The following HEATR5A variants were observed in gnomAD, a reference collection of about 807,000 sequenced individuals.
The protein encoded by HEATR5A is HEAT repeat containing 5A.
A neutral mutation model predicts 218.8 loss-of-function variants in HEATR5A; 178 were observed. The observed-to-expected ratio is 0.81, with a 90% CI of 0.72 to 0.92. The LOEUF is 0.92. Among genes scored for constraint, HEATR5A ranks in the 40% least tolerant of loss-of-function variants. The pLI is 0.00. For synonymous variants in HEATR5A, 864 were observed against 871.6 expected, an observed-to-expected ratio of 0.99 and a Z score of 0.15; for missense variants, 2,420 against 2,418.9, an observed-to-expected ratio of 1.00 and a Z score of -0.01.
In HEATR5A at chr14:31,350,717, C is replaced by T. The variant is rs768578029; in HGVS notation, c.2412G>A (p.Arg804=). Residue 804 remains arginine, a splice_region_variant and synonymous_variant, in exon 17 of 36, where the codon AGG becomes AGA. Transcript: ENST00000543095. ...VVCAHVGETQ[R]LLILEQLLDS... ...CCAAAAGCTGTTCCAATATAAGAAG[C>T]CTACAATCAGAAATAACAGGATTTA... The T allele has an allele frequency of 4.7e-6, 7 of 1,473,960 alleles. No individual in the cohort carries two copies. In the Admixed American group the frequency reaches 1.2e-4, roughly 24 times the overall value. 91.3% of individuals were successfully genotyped at this position (1,473,960 alleles called of 1,614,324 possible). A position where few individuals can be genotyped will look rare whatever the true frequency, so the allele number is the denominator to read the frequency against.
intron 28 of HEATR5A, among the ~76,000 whole-genome samples, chr14:31,310,209 T>C (rs553458202): frequency 7.2e-5 from 11 of 152,164 alleles, no homozygotes; most frequent in Admixed American, 5.9e-4. Flanking sequence ...TATCCTTTTT[T>C]TTCTTTGTGT....
intron 1 of HEATR5A, 141 bp from the exon 2 acceptor site, chr14:31,403,190 A>C: frequency 2.1e-6 from 1 of 473,568 alleles, no homozygotes; most frequent in Middle Eastern, 5.7e-4. Context: ...AATCCCAATA[A>C]TGTTCTAGTT....
At chr14:31,394,030 G>T in intron 6 of HEATR5A, 22 bp downstream of exon 6, 1 of 1,435,832 alleles carries the variant, frequency 7.0e-7, no homozygotes, top group South Asian at 1.3e-5. Context: ...AAGAGACTTT[G>T]AAAATAATTA....
chr14:31,324,051 C>T (rs1367699062), intron 23 of HEATR5A, among the ~76,000 whole-genome samples: 1 of 151,982 alleles, frequency 6.6e-6, no homozygotes, highest in Non-Finnish European at 1.5e-5. Context: ...TTAAATTATA[C>T]TCAAAGTAAA....
chr14:31,402,722 A>T, intron 2 of HEATR5A, 128 bp downstream of exon 2: 1 of 835,532 alleles, frequency 1.2e-6, no homozygotes, highest in East Asian at 2.7e-5. Flanking sequence ...AATATACTTC[A>T]TTAAGTTTTA....
chr14:31,305,264 A>G, intron 31 of HEATR5A, 87 bp from the exon 32 acceptor site: 7 of 1,378,438 alleles, frequency 5.1e-6, no homozygotes, highest in Non-Finnish European at 6.9e-6. Context: ...CAGGAAATAC[A>G]TGTATTTTAT....
At chr14:31,361,222 A>C (rs1901605140) in intron 14 of HEATR5A, among the ~76,000 whole-genome samples, 1 of 152,192 alleles carries the variant, frequency 6.6e-6, no homozygotes, top group African/African-American at 2.4e-5. Flanking sequence ...ACAGAGAAAA[A>C]TTTTATTATA....
intron 13 of HEATR5A, among the ~76,000 whole-genome samples, chr14:31,370,022 C>T (rs567261354): frequency 1.9e-4 from 28 of 150,934 alleles, no homozygotes; most frequent in South Asian, 2.1e-4. Context: ...GTCAGGAGAT[C>T]GAGACCATCC....
chr14:31,396,460 G>GA (rs1449155620), intron 4 of HEATR5A, among the ~76,000 whole-genome samples: 4 of 151,946 alleles, frequency 2.6e-5, no homozygotes, highest in African/African-American at 9.7e-5. Context: ...AAAAGAAAAA[G>GA]AAATAGTAGC....
rs147156929 is a variant in HEATR5A at position 31,356,315 on chromosome 14, C to G, written c.2411+2322G>C. Among the ~76,000 whole-genome samples the G allele has an allele frequency of 3.9e-3, 589 of 152,308 alleles. 9 individuals are homozygous for G. Among genetic ancestry groups the G allele is most frequent in the African/African-American group, 0.013 (543 of 41,568 alleles). ...GCAGTGGCGAGATCTTGGCTCACTGCAACCTCTAACTCCCAGTATCAAGCG... is the reference window on the plus strand; with the variant it reads ...GCAGTGGCGAGATCTTGGCTCACTGGAACCTCTAACTCCCAGTATCAAGCG... On this transcript the variant is annotated intron_variant, in intron 16 of 35. Coordinates refer to ENST00000543095, the MANE Select transcript of HEATR5A (RefSeq NM_015473.4).
intron 33 of HEATR5A, among the ~76,000 whole-genome samples, chr14:31,300,515 G>C (rs1355678994): frequency 6.6e-6 from 1 of 151,964 alleles, no homozygotes; most frequent in Non-Finnish European, 1.5e-5. Context: ...CCCTTCAAGG[G>C]AGAATGTGCT....
chr14:31,343,912 AGG>A lies in HEATR5A; in HGVS notation c.3210_3211del (p.Leu1071GlyfsTer2). On this transcript the variant is annotated frameshift_variant, in exon 21 of 36. Coordinates refer to ENST00000543095, the MANE Select transcript of HEATR5A (RefSeq NM_015473.4). LOFTEE classifies it high-confidence loss of function. ...TATACTCACACAGAGGCAGCTAACC[AGG>A]CTAGACAAGTTGACATGTCGTGGAG... The A allele has an allele frequency of 6.3e-7, 1 of 1,598,290 alleles. No individual in the cohort carries two copies. Among genetic ancestry groups the A allele is most frequent in the East Asian group, 2.2e-5 (1 of 44,798 alleles).
chr14:31,367,498 C>A (rs540445812), intron 13 of HEATR5A, among the ~76,000 whole-genome samples: 1 of 149,896 alleles, frequency 6.7e-6, no homozygotes, highest in East Asian at 2.0e-4. Flanking sequence ...CTCCTCGTTT[C>A]AGACTATTCT....
chr14:31,307,284 C>T (rs1899585381), intron 30 of HEATR5A, among the ~76,000 whole-genome samples: 1 of 152,216 alleles, frequency 6.6e-6, no homozygotes, highest in Non-Finnish European at 1.5e-5. Flanking sequence ...CAAAAGTAAT[C>T]TACTTGATAA....
intron 22 of HEATR5A, chr14:31,334,453 A>C (rs764515955): frequency 2.2e-6 from 1 of 456,166 alleles, no homozygotes; most frequent in Non-Finnish European, 4.4e-6. Context: ...AGATGCTGTG[A>C]ACACTGTTGA....
intron 22 of HEATR5A, among the ~76,000 whole-genome samples, chr14:31,333,720 T>G (rs994596282): frequency 2.6e-5 from 4 of 152,038 alleles, no homozygotes; most frequent in Admixed American, 2.6e-4. Context: ...ATTCCAAATA[T>G]CCCATGGTTC....
At position 31,407,036 on chromosome 14, in the gene HEATR5A, T is replaced by A. The variant is rs1034780904; in HGVS notation, c.-74-3987A>T. On this transcript the variant is annotated intron_variant, in intron 1 of 35. Transcript: ENST00000543095. ...CGGGCACAGTGGCTCACGCCTATAA[T>A]CCCAGCACTTCGAGAGGACAAAGCA... 4.4e-5 allele frequency among the ~76,000 whole-genome samples: 6 copies of A among 136,560 alleles called. No homozygotes were observed. The East Asian group carries it at 1.5e-3, about 34-fold the overall frequency. 89.6% of individuals were successfully genotyped at this position (136,560 alleles called of 152,430 possible).
At chr14:31,385,560 C>T (rs1267639313) in intron 9 of HEATR5A, among the ~76,000 whole-genome samples, 5 of 151,970 alleles carry the variant, frequency 3.3e-5, no homozygotes, top group Non-Finnish European at 5.9e-5. Context: ...AATTCATGGT[C>T]GTCAGGGGCT....
chr14:31,324,421 AACC>A (rs1168085692), intron 23 of HEATR5A, among the ~76,000 whole-genome samples: 2 of 152,230 alleles, frequency 1.3e-5, no homozygotes, highest in African/African-American at 4.8e-5. Flanking sequence ...CTATGAAACA[AACC>A]AAACTGCTTT....
Sources: allele counts gnomAD v4.1 joint callset (sites outside exome capture counted in the v4.1 genomes callset), GRCh38; gene constraint gnomAD v4.1.1; transcripts MANE v1.5; gene names NCBI Gene and HGNC (gene_info 2026-07-23, HGNC 2026-07-21).